The following FDFT1 variants were observed in gnomAD, a reference collection of about 807,000 sequenced individuals.
The protein encoded by FDFT1 is squalene synthase.
FDFT1 carries 68 observed loss-of-function variants against 46.8 expected under a neutral mutation model. The observed-to-expected ratio is 1.45, with a 90% CI of 1.19 to 1.78. The LOEUF (loss-of-function observed/expected upper bound fraction) is 1.78. Among genes scored for constraint, FDFT1 ranks in the 40% most tolerant of loss-of-function variants. FDFT1 has a pLI of 0.00. For synonymous variants in FDFT1, 351 were observed against 185.1 expected, an observed-to-expected ratio of 1.90 and a Z score of -7.28; for missense variants, 928 against 524.4, an observed-to-expected ratio of 1.77 and a Z score of -7.52.
At position 11,838,916 on chromosome 8, in the gene FDFT1, T is replaced by G. The variant is rs532276196; in HGVS notation, c.*307T>G. The G allele has an allele frequency of 1.7e-4, 61 of 367,046 alleles. No homozygotes were observed. Among genetic ancestry groups the G allele is most frequent in the African/African-American group, 1.3e-3 (60 of 47,168 alleles). The allele number at this position is 367,046 out of a possible 1,614,324, so 22.7% of individuals were successfully genotyped here. ...ATATGTGACTGTCATGAGATCCTACTTAGTATGATCCTGGCTAGAATGATA... is the reference window on the plus strand; with the variant it reads ...ATATGTGACTGTCATGAGATCCTACGTAGTATGATCCTGGCTAGAATGATA... On this transcript the variant is annotated 3_prime_UTR_variant, in exon 8 of 8. Transcript: ENST00000220584.
chr8:11,809,008 A>G lies in FDFT1; in HGVS notation c.197+117A>G. 4 of 1,457,172 alleles carry G rather than the reference A, an allele frequency of 2.7e-6. No individual in the cohort carries two copies. The South Asian group carries it at 3.9e-5, about 14-fold the overall frequency. The allele number at this position is 1,457,172 out of a possible 1,614,324, so 90.3% of individuals were successfully genotyped here. Reference sequence around the variant, plus strand: ...CGTTGCAGCCTCGTTGCTGTGGCTTATCCAGAACATAGCCCGGCCCTACGT... The same window carrying G: ...CGTTGCAGCCTCGTTGCTGTGGCTTGTCCAGAACATAGCCCGGCCCTACGT... On this transcript the variant is annotated intron_variant, in intron 2 of 7. Transcript: ENST00000220584.
chr8:11,826,404 C>T (rs1369780874), intron 5 of FDFT1, among the ~76,000 whole-genome samples, 189 bp downstream of exon 5: 1 of 152,192 alleles, frequency 6.6e-6, no homozygotes, highest in Non-Finnish European at 1.5e-5. Flanking sequence ...AGGATTCACA[C>T]CACGTAATCA....
chr8:11,816,140 CTTGT>C (rs1808416336), intron 3 of FDFT1, among the ~76,000 whole-genome samples: 1 of 152,190 alleles, frequency 6.6e-6, no homozygotes, highest in Admixed American at 6.5e-5. Flanking sequence ...TTCTCCATTG[CTTGT>C]TTTTGTCAGG....
exon 1 of FDFT1, chr8:11,795,825 G>C (rs7823420): frequency 0.16 from 24,749 of 152,346 alleles, 2,119 homozygotes; most frequent in East Asian, 0.34. Flanking sequence ...TCCTGAGCCA[G>C]CGAGACCACG....
chr8:11,824,493 C>T (rs1468357767), intron 4 of FDFT1, among the ~76,000 whole-genome samples: 1 of 152,192 alleles, frequency 6.6e-6, no homozygotes, highest in East Asian at 1.9e-4. Flanking sequence ...GCCCCTGCCA[C>T]AGACACGGCA....
At chr8:11,797,214 C>T (rs188607004) in intron 1 of FDFT1, among the ~76,000 whole-genome samples, 2 of 152,326 alleles carry the variant, frequency 1.3e-5, no homozygotes, top group East Asian at 1.9e-4. Flanking sequence ...AACCCCACCT[C>T]TGGAGTCGAA....
At position 11,826,756 on chromosome 8, in the gene FDFT1, G is replaced by C. The variant is rs542618649; in HGVS notation, c.702+541G>C. Among the ~76,000 whole-genome samples, 278 of 152,252 alleles carry C rather than the reference G, an allele frequency of 1.8e-3. 2 individuals carry two copies. Among genetic ancestry groups the C allele is most frequent in the African/African-American group, 6.5e-3 (269 of 41,540 alleles). Reference sequence around the variant, plus strand: ...CTTGAACCCAGGAAGCAGAGATTGCGGTGAGCTCAGATTGTGCCACTGCAC... The same window carrying C: ...CTTGAACCCAGGAAGCAGAGATTGCCGTGAGCTCAGATTGTGCCACTGCAC... On this transcript the variant is annotated intron_variant, in intron 5 of 7. Coordinates refer to ENST00000220584, the MANE Select transcript of FDFT1 (RefSeq NM_004462.5).
chr8:11,811,346 G>A (rs1807682703), intron 3 of FDFT1, among the ~76,000 whole-genome samples: 1 of 152,172 alleles, frequency 6.6e-6, no homozygotes. Flanking sequence ...TATTATTCTA[G>A]CTGGACCTAG....
chr8:11,814,507 C>G (rs1320275163), intron 3 of FDFT1, among the ~76,000 whole-genome samples: 1 of 152,090 alleles, frequency 6.6e-6, no homozygotes, highest in South Asian at 2.1e-4. Flanking sequence ...AATGTTTAAC[C>G]AAATCTCTTC....
At chr8:11,801,117 G>C (rs1806075629), upstream of FDFT1, among the ~76,000 whole-genome samples, 1 of 152,182 alleles carries the variant, frequency 6.6e-6, no homozygotes, top group Non-Finnish European at 1.5e-5. Context: ...ACAGGAGTTA[G>C]TCAAGCCAGT....
chr8:11,833,125 A>T (rs569101529), intron 7 of FDFT1, among the ~76,000 whole-genome samples: 9 of 152,210 alleles, frequency 5.9e-5, no homozygotes, highest in Non-Finnish European at 1.3e-4. Context: ...AAAAACCCTA[A>T]AATTTTGTAG....
At chr8:11,809,049 C>G in intron 2 of FDFT1, 158 bp downstream of exon 2, 2 of 1,339,356 alleles carry the variant, frequency 1.5e-6, no homozygotes, top group South Asian at 1.5e-5. Context: ...CTTTAGAAAG[C>G]CCTTCCAGGC....
At chr8:11,802,577 G>A, upstream of FDFT1, 1 of 622,402 alleles carries the variant, frequency 1.6e-6, no homozygotes, top group Non-Finnish European at 3.0e-6. Flanking sequence ...GCGACTGATT[G>A]GCCGGGGTCT....
At chr8:11,831,831 C>T (rs1421543246) in intron 7 of FDFT1, 161 bp downstream of exon 7, 1 of 648,324 alleles carries the variant, frequency 1.5e-6, no homozygotes, top group Admixed American at 2.7e-5. Context: ...AAAGTCTATT[C>T]ACAGGAGCCG....
chr8:11,797,100 G>A (rs1045387660), intron 1 of FDFT1, among the ~76,000 whole-genome samples: 3 of 152,206 alleles, frequency 2.0e-5, no homozygotes, highest in African/African-American at 7.2e-5. Flanking sequence ...TGGGTGTTGC[G>A]ATGGCAATGG....
At chr8:11,830,498 A>C in intron 6 of FDFT1, 78 bp downstream of exon 6, 1 of 966,880 alleles carries the variant, frequency 1.0e-6, no homozygotes, top group Non-Finnish European at 1.6e-6. Context: ...TTGCTGTGCT[A>C]TATTCAAGGA....
At chr8:11,825,681 C>A (rs1809865683) in intron 4 of FDFT1, among the ~76,000 whole-genome samples, 1 of 114,328 alleles carries the variant, frequency 8.7e-6, no homozygotes, top group Non-Finnish European at 1.8e-5. Flanking sequence ...TATGAGACTC[C>A]ATCTCAAAAA....
chr8:11,830,520 A>G lies in FDFT1; in HGVS notation c.879+100A>G, dbSNP rs570595272. 625 of 844,836 alleles carry G rather than the reference A, an allele frequency of 7.4e-4. 2 individuals carry two copies. In the African/African-American group the frequency reaches 9.2e-3, roughly 12 times the overall value. The allele number at this position is 844,836 out of a possible 1,614,324, so 52.3% of individuals were successfully genotyped here. Reference sequence around the variant, plus strand: ...GCTATATTCAAGGATATGATTCCTTAAAAAGACGATGACTCCAGTTTATTA... The same window carrying G: ...GCTATATTCAAGGATATGATTCCTTGAAAAGACGATGACTCCAGTTTATTA... On this transcript the variant is annotated intron_variant, in intron 6 of 7. Coordinates refer to ENST00000220584, the MANE Select transcript of FDFT1 (RefSeq NM_004462.5).
At chr8:11,803,042 C>G in intron 1 of FDFT1, 111 bp downstream of exon 1, 2 of 1,478,554 alleles carry the variant, frequency 1.4e-6, no homozygotes, top group Non-Finnish European at 1.8e-6. Context: ...CGAGCAGGGC[C>G]GACGCCTGGG....
Sources: allele counts gnomAD v4.1 joint callset (sites outside exome capture counted in the v4.1 genomes callset), GRCh38; gene constraint gnomAD v4.1.1; transcripts MANE v1.5; gene names NCBI Gene and HGNC (gene_info 2026-07-23, HGNC 2026-07-21).